FMN2: variants seen among roughly 807,000 people sequenced by gnomAD.
The protein encoded by FMN2 is formin-2.
Under a neutral mutation model 142.3 loss-of-function variants are expected in FMN2, and 51 were observed. That is an observed-to-expected ratio of 0.36 (90% CI 0.29 to 0.45). FMN2 has a LOEUF of 0.45. Ranked by LOEUF, FMN2 falls within the 20% of genes least tolerant of loss-of-function variation. The probability of loss-of-function intolerance (pLI) is 1.00; values close to 1 mark genes in which losing one functional copy is unlikely to be tolerated. For synonymous variants in FMN2, 882 were observed against 869.8 expected (o/e 1.01, Z -0.25); for missense variants, 1,936 against 2,122.8 (o/e 0.91, Z 1.73).
chr1:240,422,631 G>A (rs9428841), intron 15 of FMN2, among the ~76,000 whole-genome samples: 9,855 of 152,176 alleles, frequency 0.065, 1,081 homozygotes, highest in African/African-American at 0.22. Context: ...TATTAGCTCC[G>A]GGAGTTATTT....
rs1171785713 is a variant in FMN2, at chr1:240,409,359, G to A, written c.4910+16797G>A. ...GGGTTTCACCGTGTTGGCCAAGCTG[G>A]TCTCAAACTCCTGACTTCAAAGGAT... On this transcript the variant is annotated intron_variant, in intron 15 of 17. Transcript: ENST00000319653. 5.3e-5 allele frequency among the ~76,000 whole-genome samples: 8 copies of A among 152,118 alleles called. No individual in the cohort carries two copies. In the East Asian group the frequency reaches 1.4e-3, roughly 26 times the overall value.
At chr1:240,242,540 A>C (rs1667945551) in intron 6 of FMN2, among the ~76,000 whole-genome samples, 1 of 152,128 alleles carries the variant, frequency 6.6e-6, no homozygotes, top group Non-Finnish European at 1.5e-5. Context: ...GAAACAACCT[A>C]CTCAGTTGAG....
chr1:240,407,987 C>G (rs1330585783), intron 15 of FMN2, among the ~76,000 whole-genome samples: 3 of 152,104 alleles, frequency 2.0e-5, no homozygotes, highest in African/African-American at 7.2e-5. Context: ...GATTTCGCAT[C>G]CTACTTCCAG....
intron 2 of FMN2, among the ~76,000 whole-genome samples, chr1:240,171,669 C>T (rs1437009021): frequency 6.6e-6 from 1 of 152,186 alleles, no homozygotes; most frequent in East Asian, 1.9e-4. Flanking sequence ...TCTTAGAATG[C>T]CTACCTTTGA....
chr1:240,190,921 A>C (rs1665672554), intron 4 of FMN2, among the ~76,000 whole-genome samples: 1 of 152,206 alleles, frequency 6.6e-6, no homozygotes. Context: ...ATTATGTAAA[A>C]AAAATTATTT....
chr1:240,300,857 T>A (rs544145617), intron 8 of FMN2, among the ~76,000 whole-genome samples: 1 of 151,972 alleles, frequency 6.6e-6, no homozygotes, highest in Admixed American at 6.6e-5. Flanking sequence ...AAACTGATAT[T>A]TAAATAGCTA....
chr1:240,144,052 T>C lies in FMN2; in HGVS notation c.1782+20707T>C, dbSNP rs890385343. 7 of 1,105,706 alleles carry C rather than the reference T, an allele frequency of 6.3e-6. No individual in the cohort carries two copies. In the African/African-American group the frequency reaches 9.2e-5, roughly 15 times the overall value. The allele number at this position is 1,105,706 out of a possible 1,614,324, so 68.5% of individuals were successfully genotyped here. On this transcript the variant is annotated intron_variant, in intron 2 of 17. Transcript: ENST00000319653. ...CTATGCCACAGGCAAGAAGAATTCCTGACTTAATGTAGTCCTCAAAGGAGT... is the reference window on the plus strand; with the variant it reads ...CTATGCCACAGGCAAGAAGAATTCCCGACTTAATGTAGTCCTCAAAGGAGT...
chr1:240,171,025 TG>T, intron 2 of FMN2: 1 of 921,228 alleles, frequency 1.1e-6, no homozygotes, highest in Non-Finnish European at 1.8e-6. Flanking sequence ...TCAGCAGGGC[TG>T]GGGCGTCAGT....
At chr1:240,176,079 A>G (rs1664900102) in intron 2 of FMN2, among the ~76,000 whole-genome samples, 1 of 152,186 alleles carries the variant, frequency 6.6e-6, no homozygotes, top group African/African-American at 2.4e-5. Context: ...GATTTTTAAA[A>G]AAATTTTTGT....
At chr1:240,365,423 A>G (rs1348236362) in intron 14 of FMN2, among the ~76,000 whole-genome samples, 1 of 151,812 alleles carries the variant, frequency 6.6e-6, no homozygotes, top group Non-Finnish European at 1.5e-5. Flanking sequence ...AATATTTTAT[A>G]TTTCTTTGTT....
rs896850989 is a variant in FMN2, at chr1:240,206,794, T to A, written c.1987-5T>A. The A allele has an allele frequency of 6.2e-7, 1 of 1,602,862 alleles. No individual in the cohort carries two copies. The highest frequency in any genetic ancestry group is 1.3e-5 in the African/African-American group (1 of 74,632). ...CTAACTGTGTCTGTCCTTGTCGCCC[T>A]TCAGGAAGTTGTTGACATGAAGTCT... is the stretch of plus-strand genomic sequence containing the variant. On this transcript the variant is annotated splice_polypyrimidine_tract_variant and splice_region_variant and intron_variant, in intron 4 of 17. Coordinates refer to ENST00000319653, the MANE Select transcript of FMN2 (RefSeq NM_020066.5).
At chr1:240,161,086 T>C (rs1664255514) in intron 2 of FMN2, among the ~76,000 whole-genome samples, 1 of 152,180 alleles carries the variant, frequency 6.6e-6, no homozygotes, top group Non-Finnish European at 1.5e-5. Flanking sequence ...GACAAGTATA[T>C]GAACAGATTT....
chr1:240,099,749 C>T (rs544174237), intron 1 of FMN2, among the ~76,000 whole-genome samples: 2 of 152,266 alleles, frequency 1.3e-5, no homozygotes, highest in South Asian at 4.1e-4. Flanking sequence ...TCTTTTCCAG[C>T]CAGACCTTAC....
At chr1:240,323,294 A>C (rs1379821538) in intron 8 of FMN2, among the ~76,000 whole-genome samples, 1 of 151,966 alleles carries the variant, frequency 6.6e-6, no homozygotes, top group Non-Finnish European at 1.5e-5. Context: ...TCCCAGGTCC[A>C]AGCATTTCTT....
At chr1:240,416,624 A>G (rs1048198485) in intron 15 of FMN2, among the ~76,000 whole-genome samples, 4 of 151,692 alleles carry the variant, frequency 2.6e-5, no homozygotes, top group African/African-American at 9.7e-5. Context: ...ATCTGTACTT[A>G]TGTCCCTTGT....
intron 6 of FMN2, among the ~76,000 whole-genome samples, chr1:240,223,805 G>A (rs1572086795): frequency 6.6e-6 from 1 of 152,140 alleles, no homozygotes; most frequent in Non-Finnish European, 1.5e-5. Flanking sequence ...ATGGTAGTTT[G>A]TATTTCTGTG....
intron 2 of FMN2, among the ~76,000 whole-genome samples, chr1:240,137,184 TG>T (rs1397129402): frequency 2.6e-5 from 4 of 152,164 alleles, no homozygotes; most frequent in Admixed American, 6.5e-5. Context: ...TCTTGTTTTT[TG>T]TTTTTTTTTA....
chr1:240,324,691 G>T (rs896193221), intron 8 of FMN2, among the ~76,000 whole-genome samples: 5 of 135,276 alleles, frequency 3.7e-5, no homozygotes, highest in African/African-American at 1.3e-4. Context: ...GAGAGAGAGA[G>T]AGAGGGAGGG....
intron 14 of FMN2, among the ~76,000 whole-genome samples, chr1:240,362,604 T>C (rs1313107480): frequency 1.3e-5 from 2 of 152,166 alleles, no homozygotes; most frequent in Non-Finnish European, 2.9e-5. Context: ...TAAAGAACCT[T>C]AGGTGGAATG....
Sources: gnomAD v4.1 joint callset for allele counts (sites outside exome capture counted in the v4.1 genomes callset) on GRCh38, gnomAD v4.1.1 for gene constraint, MANE v1.5 for transcripts, NCBI Gene and HGNC (gene_info 2026-07-23, HGNC 2026-07-21) for gene names.